IMMP2L: variants seen among roughly 807,000 people sequenced by gnomAD.
The protein encoded by IMMP2L is mitochondrial inner membrane protease subunit 2.
Under a neutral mutation model 19.3 loss-of-function variants are expected in IMMP2L, and 18 were observed. That is an observed-to-expected ratio of 0.93 (90% CI 0.64 to 1.38). The LOEUF (loss-of-function observed/expected upper bound fraction) is 1.38, where lower values mean the gene tolerates loss of function less well. IMMP2L is among the 40% of genes most tolerant of loss of function. The pLI is 0.00. For synonymous variants in IMMP2L, 76 were observed against 73.0 expected (o/e 1.04, Z -0.21); for missense variants, 233 against 218.2 (o/e 1.07, Z -0.43).
intron 3 of IMMP2L, among the ~76,000 whole-genome samples, chr7:111,372,532 G>A (rs981235240): frequency 6.6e-6 from 1 of 151,902 alleles, no homozygotes; most frequent in Non-Finnish European, 1.5e-5. Flanking sequence ...CAGATACCAA[G>A]GAAGGCAGAG....
At chr7:111,168,594 A>C (rs749998351) in intron 3 of IMMP2L, among the ~76,000 whole-genome samples, 22 of 151,928 alleles carry the variant, frequency 1.4e-4, no homozygotes, top group Admixed American at 7.2e-4. Context: ...CCTTTGAAGC[A>C]CCTTCCATAT....
chr7:110,810,391 G>C (rs1801956987), intron 5 of IMMP2L, among the ~76,000 whole-genome samples: 1 of 152,020 alleles, frequency 6.6e-6, no homozygotes, highest in Admixed American at 6.6e-5. Flanking sequence ...TGTTGCTAAA[G>C]GAGCTATTAT....
chr7:111,331,463 C>T (rs1428507092), intron 3 of IMMP2L, among the ~76,000 whole-genome samples: 1 of 151,780 alleles, frequency 6.6e-6, no homozygotes, highest in Non-Finnish European at 1.5e-5. Flanking sequence ...TATAAAATCT[C>T]AGGAGAAATA....
At chr7:111,040,615 C>T (rs930867922) in intron 3 of IMMP2L, among the ~76,000 whole-genome samples, 4 of 150,158 alleles carry the variant, frequency 2.7e-5, no homozygotes, top group South Asian at 2.1e-4. Context: ...AGCAGCATAT[C>T]CTAACTTAAG....
Position 111,301,804 on chromosome 7 carries a change from T to C in IMMP2L, c.239+185434A>G, listed in dbSNP as rs140859529. Among the ~76,000 whole-genome samples the C allele has an allele frequency of 4.5e-4, 68 of 151,994 alleles. 1 individual carries two copies. In the East Asian group the frequency reaches 0.012, roughly 27 times the overall value. Reference sequence around the variant, plus strand: ...TTTCTGTGTTTCATATACTATGCCATTGATCTATGTGTCTATCCCTCCACC... The same window carrying C: ...TTTCTGTGTTTCATATACTATGCCACTGATCTATGTGTCTATCCCTCCACC... On this transcript the variant is annotated intron_variant, in intron 3 of 5. Transcript: ENST00000405709.
chr7:111,087,029 G>A lies in IMMP2L; in HGVS notation c.240-123464C>T, dbSNP rs117005868. On this transcript the variant is annotated intron_variant, in intron 3 of 5. Transcript: ENST00000405709. Reference sequence around the variant, plus strand: ...TTGAGTACCTTGTGCAGTAGAAAGAGCTTTGGCTCTGTAAGCAGACAGAAC... The same window carrying A: ...TTGAGTACCTTGTGCAGTAGAAAGAACTTTGGCTCTGTAAGCAGACAGAAC... 2.0e-4 allele frequency among the ~76,000 whole-genome samples: 31 copies of A among 152,332 alleles called. No individual in the cohort carries two copies. The East Asian group carries it at 5.4e-3, about 27-fold the overall frequency.
chr7:111,144,057 C>A (rs1803215787), intron 3 of IMMP2L, among the ~76,000 whole-genome samples: 1 of 152,140 alleles, frequency 6.6e-6, no homozygotes, highest in African/African-American at 2.4e-5. Context: ...CTAACAAAAT[C>A]TCTATTTTTC....
chr7:110,868,835 T>C (rs1447694570), intron 5 of IMMP2L, among the ~76,000 whole-genome samples: 1 of 152,004 alleles, frequency 6.6e-6, no homozygotes, highest in Non-Finnish European at 1.5e-5. Flanking sequence ...CTAATCAATT[T>C]CTTGTTCTGG....
At chr7:110,786,674 T>C (rs1434554305) in intron 5 of IMMP2L, among the ~76,000 whole-genome samples, 1 of 152,016 alleles carries the variant, frequency 6.6e-6, no homozygotes, top group African/African-American at 2.4e-5. Flanking sequence ...TTACCACAAA[T>C]TGGCGAACAA....
intron 5 of IMMP2L, among the ~76,000 whole-genome samples, chr7:110,665,842 T>C (rs920167599): frequency 4.6e-5 from 7 of 152,222 alleles, no homozygotes; most frequent in African/African-American, 1.7e-4. Flanking sequence ...AATGTAAATA[T>C]CCTATATGCC....
intron 4 of IMMP2L, among the ~76,000 whole-genome samples, chr7:110,951,046 CCACTTACATGAAGTAT>C (rs1817784363): frequency 6.6e-6 from 1 of 151,126 alleles, no homozygotes; most frequent in African/African-American, 2.4e-5. Flanking sequence ...CTGCATGATC[CCACTTACATGAAGTAT>C]CTAAACCACT....
chr7:111,402,376 G>A (rs146954177), intron 3 of IMMP2L, among the ~76,000 whole-genome samples: 151 of 151,884 alleles, frequency 9.9e-4, no homozygotes, highest in African/African-American at 3.4e-3. Context: ...CCAGAATTAA[G>A]ATGCTGCTTT....
At chr7:111,056,597 T>C (rs1297773435) in intron 3 of IMMP2L, among the ~76,000 whole-genome samples, 1 of 152,224 alleles carries the variant, frequency 6.6e-6, no homozygotes, top group African/African-American at 2.4e-5. Context: ...AATCCATGTA[T>C]AACTTTTGAC....
chr7:111,209,834 G>C (rs1811123524), intron 3 of IMMP2L, among the ~76,000 whole-genome samples: 1 of 152,172 alleles, frequency 6.6e-6, no homozygotes, highest in Admixed American at 6.5e-5. Flanking sequence ...AGGTGGGCCT[G>C]AAGGTTCGGG....
At chr7:110,771,362 G>GAA (rs1407800175) in intron 5 of IMMP2L, among the ~76,000 whole-genome samples, 1 of 151,900 alleles carries the variant, frequency 6.6e-6, no homozygotes, top group African/African-American at 2.4e-5. Flanking sequence ...GACATAATGA[G>GAA]AAAAAAACAA....
chr7:111,166,891 G>A (rs1805879184), intron 3 of IMMP2L, among the ~76,000 whole-genome samples: 1 of 151,838 alleles, frequency 6.6e-6, no homozygotes, highest in South Asian at 2.1e-4. Flanking sequence ...ATTTGATTTA[G>A]AGCCCACCTG....
intron 3 of IMMP2L, among the ~76,000 whole-genome samples, chr7:111,290,794 TTCTCTC>T (rs922999089): frequency 1.5e-5 from 2 of 137,620 alleles, no homozygotes; most frequent in Non-Finnish European, 3.2e-5. Flanking sequence ...CTGTCTCTCT[TTCTCTC>T]TCTCTCTCAC....
intron 5 of IMMP2L, among the ~76,000 whole-genome samples, chr7:110,786,301 T>C (rs1018073555): frequency 1.3e-5 from 2 of 151,974 alleles, no homozygotes; most frequent in African/African-American, 2.4e-5. Context: ...CCTTTGACAC[T>C]CAGAGACATT....
chr7:111,027,654 C>T (rs1245919430), intron 3 of IMMP2L, among the ~76,000 whole-genome samples: 2 of 151,628 alleles, frequency 1.3e-5, no homozygotes, highest in Non-Finnish European at 2.9e-5. Context: ...GAAGAGCTTG[C>T]AAAAATGACT....
Sources: allele counts gnomAD v4.1 joint callset (sites outside exome capture counted in the v4.1 genomes callset), GRCh38; gene constraint gnomAD v4.1.1; transcripts MANE v1.5; gene names NCBI Gene and HGNC (gene_info 2026-07-23, HGNC 2026-07-21).